Variants in NECAB1 observed in about 807,000 individuals in gnomAD.
NECAB1 encodes N-terminal EF-hand calcium binding protein 1, also known as N-terminal EF-hand calcium-binding protein 1.
Under a neutral mutation model 57.5 loss-of-function variants are expected in NECAB1, and 29 were observed. The observed-to-expected ratio is 0.50, with a 90% confidence interval of 0.38 to 0.69. NECAB1 has a LOEUF of 0.69. Among genes scored for constraint, NECAB1 ranks in the 30% least tolerant of loss-of-function variants. The pLI is 0.00. For synonymous variants in NECAB1, 142 were observed against 147.7 expected (o/e 0.96, Z 0.28); for missense variants, 372 against 413.8 (o/e 0.90, Z 0.88).
intron 3 of NECAB1, among the ~76,000 whole-genome samples, chr8:90,852,609 A>G (rs1007183816): frequency 6.6e-6 from 1 of 152,056 alleles, no homozygotes; most frequent in Non-Finnish European, 1.5e-5. Context: ...GCCTGTAAAG[A>G]CCCCAGACTC....
intron 5 of NECAB1, among the ~76,000 whole-genome samples, chr8:90,914,503 T>C (rs1229298651): frequency 6.6e-6 from 1 of 152,098 alleles, no homozygotes; most frequent in Non-Finnish European, 1.5e-5. Context: ...CATAATTGAC[T>C]CAAAAAATTT....
intron 4 of NECAB1, among the ~76,000 whole-genome samples, chr8:90,877,938 T>G (rs910931215): frequency 6.6e-6 from 1 of 152,180 alleles, no homozygotes; most frequent in African/African-American, 2.4e-5. Context: ...CCTCTGAGTA[T>G]CCAGCAGGTT....
chr8:90,826,115 AG>A (rs1812220348), intron 3 of NECAB1, among the ~76,000 whole-genome samples: 2 of 151,962 alleles, frequency 1.3e-5, no homozygotes, highest in Middle Eastern at 6.8e-3. Context: ...AGGTAAAGAA[AG>A]GGGTGGGGAG....
intron 10 of NECAB1, among the ~76,000 whole-genome samples, chr8:90,947,135 T>C (rs1274601680): frequency 7.9e-5 from 12 of 152,158 alleles, no homozygotes; most frequent in African/African-American, 2.9e-4. Context: ...ATTGCTTTAA[T>C]AGATATGTGC....
intron 5 of NECAB1, among the ~76,000 whole-genome samples, chr8:90,915,994 G>A (rs978458521): frequency 6.6e-6 from 1 of 152,178 alleles, no homozygotes; most frequent in Non-Finnish European, 1.5e-5. Context: ...CACCCAGATT[G>A]AGGGTGGGTC....
chr8:90,929,435 T>A (rs1277577153), intron 8 of NECAB1, among the ~76,000 whole-genome samples: 1 of 152,224 alleles, frequency 6.6e-6, no homozygotes, highest in Non-Finnish European at 1.5e-5. Context: ...AGGTCTGAAT[T>A]TGGAAAAGTC....
At chr8:90,853,307 T>A (rs1349338881) in intron 3 of NECAB1, among the ~76,000 whole-genome samples, 1 of 152,136 alleles carries the variant, frequency 6.6e-6, no homozygotes, top group Non-Finnish European at 1.5e-5. Context: ...CCACAAGGAG[T>A]TGAAAGCTGC....
At chr8:90,885,480 G>A (rs1016859741) in intron 5 of NECAB1, among the ~76,000 whole-genome samples, 1 of 152,164 alleles carries the variant, frequency 6.6e-6, no homozygotes, top group African/African-American at 2.4e-5. Context: ...ATGAGGAATA[G>A]CTGTCAATGC....
rs545601444 is a variant in NECAB1 at position 90,952,173 on chromosome 8, G to A, written c.1030+969G>A. On this transcript the variant is annotated intron_variant, in intron 12 of 12. Transcript: ENST00000417640. Reference sequence around the variant, plus strand: ...CAGGAGGGAGAAAGGTGGATGTCATGGAGAGGAGAGAGATTAACCAATTAG... The same window carrying A: ...CAGGAGGGAGAAAGGTGGATGTCATAGAGAGGAGAGAGATTAACCAATTAG... Among the ~76,000 whole-genome samples, 6 of 151,988 alleles carry A rather than the reference G, an allele frequency of 3.9e-5. No individual in the cohort carries two copies. The South Asian group carries it at 1.2e-3, about 32-fold the overall frequency.
intron 2 of NECAB1, among the ~76,000 whole-genome samples, chr8:90,816,109 G>C (rs995728363): frequency 2.6e-5 from 4 of 151,752 alleles, no homozygotes; most frequent in African/African-American, 9.7e-5. Context: ...ATTCCCTAAT[G>C]ACCATATGGA....
rs1453231435 is a variant in NECAB1 at position 90,934,326 on chromosome 8, A to C, written c.716A>C (p.Glu239Ala). The change falls in exon 9 of 13, where the codon GAA becomes GCA. Residue 239 changes from glutamate (E) to alanine (A), a missense_variant. Physicochemically the swap from Glu to Ala is moderately radical, Grantham distance 107. Transcript: ENST00000417640. ...AAGGATCTCAAACTCGAACCACCAG[A>C]AGAAGAAATTATTGAAGGGAATACT... ...EKKDLKLEPP[E>A]EEIIEGNTKS... The C allele has an allele frequency of 6.6e-7, 1 of 1,518,024 alleles. No individual in the cohort carries two copies. The highest frequency in any genetic ancestry group is 2.5e-5 in the East Asian group (1 of 39,506). The allele number at this position is 1,518,024 out of a possible 1,614,324, so 94.0% of individuals were successfully genotyped here.
At chr8:90,850,075 T>G (rs1018727829) in intron 3 of NECAB1, among the ~76,000 whole-genome samples, 9 of 152,188 alleles carry the variant, frequency 5.9e-5, no homozygotes, top group Admixed American at 3.9e-4. Context: ...TACTTCTAGC[T>G]GTCAGCAAGG....
At chr8:90,809,705 T>A (rs1341072826) in intron 2 of NECAB1, among the ~76,000 whole-genome samples, 1 of 152,216 alleles carries the variant, frequency 6.6e-6, no homozygotes, top group Admixed American at 6.5e-5. Flanking sequence ...AAGCTTGATT[T>A]TGTTGTAATA....
intron 10 of NECAB1, among the ~76,000 whole-genome samples, 169 bp from the exon 11 acceptor site, chr8:90,949,638 T>C (rs987667203): frequency 6.6e-6 from 1 of 152,180 alleles, no homozygotes. Flanking sequence ...AACAGACATA[T>C]TTAGAATAAA....
intron 5 of NECAB1, among the ~76,000 whole-genome samples, chr8:90,909,341 C>CA (rs1230933658): frequency 6.7e-6 from 1 of 149,246 alleles, no homozygotes; most frequent in Non-Finnish European, 1.5e-5. Flanking sequence ...CTCTTGTTCA[C>CA]AAAATCTAAA....
At chr8:90,924,272 A>G (rs1484312245) in intron 6 of NECAB1, among the ~76,000 whole-genome samples, 3 of 152,212 alleles carry the variant, frequency 2.0e-5, no homozygotes, top group Admixed American at 1.3e-4. Flanking sequence ...TATTCATGCA[A>G]TGTTTCAAGA....
In NECAB1 at chr8:90,928,303, G is replaced by A; in HGVS notation, c.693+4G>A. On this transcript the variant is annotated splice_donor_region_variant and intron_variant, in intron 8 of 12. Coordinates refer to ENST00000417640, the MANE Select transcript of NECAB1 (RefSeq NM_022351.5). Reference sequence around the variant, plus strand: ...AATTGATAGACTGGAAAAGAAGGTAGGTGCTTTCTTTTCTTTATTCTCTCT... The same window carrying A: ...AATTGATAGACTGGAAAAGAAGGTAAGTGCTTTCTTTTCTTTATTCTCTCT... 6.3e-7 allele frequency: 1 copy of A among 1,593,094 alleles called. No homozygotes were observed. Among genetic ancestry groups the A allele is most frequent in the South Asian group, 1.1e-5 (1 of 89,322 alleles).
At chr8:90,955,111 A>ATT (rs1491419866) in intron 12 of NECAB1, among the ~76,000 whole-genome samples, 7 of 49,640 alleles carry the variant, frequency 1.4e-4, no homozygotes, top group Middle Eastern at 0.01. Context: ...GGGTATATAA[A>ATT]TTATATATAT....
chr8:90,890,940 A>T (rs949421859), intron 5 of NECAB1, among the ~76,000 whole-genome samples: 2 of 152,244 alleles, frequency 1.3e-5, no homozygotes, highest in Non-Finnish European at 2.9e-5. Flanking sequence ...GGTAAGACTA[A>T]TAAATAGGAA....
Sources: allele counts gnomAD v4.1 joint callset (sites outside exome capture counted in the v4.1 genomes callset), GRCh38; gene constraint gnomAD v4.1.1; transcripts MANE v1.5; gene names NCBI Gene and HGNC (gene_info 2026-07-23, HGNC 2026-07-21).